Variants in IMPG1 observed in about 807,000 individuals in gnomAD.
IMPG1 encodes the protein interphotoreceptor matrix proteoglycan of 150 kDa.
Under a neutral mutation model 92.0 loss-of-function variants are expected in IMPG1, and 85 were observed. That is an observed-to-expected ratio of 0.92 (90% CI 0.78 to 1.11). The LOEUF is 1.11. Ranked by LOEUF, IMPG1 falls within the 50% of genes least tolerant of loss-of-function variation. The pLI, the probability that IMPG1 is intolerant of heterozygous loss-of-function variation, is 0.00. For synonymous variants in IMPG1, 367 were observed against 334.1 expected (o/e 1.10, Z -1.08); for missense variants, 1,022 against 956.0 (o/e 1.07, Z -0.91).
At chr6:75,952,651 C>T (rs1044162589) in intron 12 of IMPG1, among the ~76,000 whole-genome samples, 1 of 152,076 alleles carries the variant, frequency 6.6e-6, no homozygotes, top group Non-Finnish European at 1.5e-5. Flanking sequence ...TGTGTCCATG[C>T]AAAACTTGTA....
intron 12 of IMPG1, among the ~76,000 whole-genome samples, chr6:75,977,600 A>C (rs965478341): frequency 6.6e-6 from 1 of 151,338 alleles, no homozygotes; most frequent in Non-Finnish European, 1.5e-5. Flanking sequence ...AAAAAAAAAA[A>C]ACAAAAAAAA....
At chr6:75,971,564 C>G (rs1245185007) in intron 12 of IMPG1, among the ~76,000 whole-genome samples, 1 of 152,166 alleles carries the variant, frequency 6.6e-6, no homozygotes, top group Non-Finnish European at 1.5e-5. Flanking sequence ...TTAACCTCCC[C>G]TTAATTTACA....
At chr6:75,993,424 G>A (rs1249145265) in intron 12 of IMPG1, among the ~76,000 whole-genome samples, 2 of 151,938 alleles carry the variant, frequency 1.3e-5, no homozygotes, top group African/African-American at 2.4e-5. Context: ...TTAGTTTGTA[G>A]GCAGCTGTCC....
intron 5 of IMPG1, 53 bp from the exon 6 acceptor site, chr6:76,022,272 A>T: frequency 2.0e-6 from 2 of 1,010,378 alleles, no homozygotes; most frequent in South Asian, 2.6e-5. Flanking sequence ...AGGAGTTTAA[A>T]TTAGAACGAG....
At chr6:75,961,578 A>T (rs566915160) in intron 12 of IMPG1, among the ~76,000 whole-genome samples, 1 of 152,352 alleles carries the variant, frequency 6.6e-6, no homozygotes, top group Admixed American at 6.5e-5. Flanking sequence ...ATGGTACGCC[A>T]GGTGGTGATA....
Position 75,947,426 on chromosome 6 carries a change from T to A in IMPG1, c.1932A>T (p.Ser644=), listed in dbSNP as rs139192386. The part of the protein sequence containing the change: ...IVNSKMKFAK[S]VPYNLTKAVH... ...CAGCCTTGGTGAGGTTATACGGCAC[T>A]GACTTAGCAAACTTCATTTTGCTAT... The change falls in exon 14 of 17, where the codon TCA becomes TCT. Residue 644 remains serine, a synonymous_variant. Transcript: ENST00000369950. 6.2e-7 allele frequency: 1 copy of A among 1,613,796 alleles called. No individual in the cohort carries two copies. The highest frequency in any genetic ancestry group is 1.7e-5 in the Admixed American group (1 of 59,966).
chr6:76,008,951 G>C (rs1783141361), intron 8 of IMPG1, among the ~76,000 whole-genome samples: 1 of 152,106 alleles, frequency 6.6e-6, no homozygotes, highest in Non-Finnish European at 1.5e-5. Flanking sequence ...GCATTTTCTA[G>C]AGTCTATTAT....
At chr6:75,958,901 C>T (rs1182980182) in intron 12 of IMPG1, among the ~76,000 whole-genome samples, 1 of 152,040 alleles carries the variant, frequency 6.6e-6, no homozygotes, top group Non-Finnish European at 1.5e-5. Context: ...CATTCTCCGT[C>T]CAGTTTTGTT....
chr6:76,055,095 T>C (rs1021513317), intron 1 of IMPG1, among the ~76,000 whole-genome samples: 2 of 152,012 alleles, frequency 1.3e-5, no homozygotes, highest in African/African-American at 2.4e-5. Context: ...TGAGGCATCA[T>C]ATCTACAAGC....
intron 11 of IMPG1, among the ~76,000 whole-genome samples, chr6:76,003,440 T>C (rs559324101): frequency 6.6e-6 from 1 of 152,338 alleles, no homozygotes; most frequent in South Asian, 2.1e-4. Flanking sequence ...TTAATTTGTA[T>C]TTATCAAACC....
chr6:76,046,583 G>A (rs1783947961), intron 1 of IMPG1, among the ~76,000 whole-genome samples: 1 of 152,154 alleles, frequency 6.6e-6, no homozygotes, highest in Non-Finnish European at 1.5e-5. Flanking sequence ...TATTCAAAAT[G>A]TTTTCATAGA....
At chr6:75,935,352 A>G (rs1781727570) in intron 14 of IMPG1, among the ~76,000 whole-genome samples, 1 of 152,130 alleles carries the variant, frequency 6.6e-6, no homozygotes, top group Non-Finnish European at 1.5e-5. Flanking sequence ...ATCTTTTCCC[A>G]TTTCAAAAAG....
At chr6:75,943,161 G>A (rs750550799) in intron 14 of IMPG1, among the ~76,000 whole-genome samples, 4 of 152,150 alleles carry the variant, frequency 2.6e-5, no homozygotes, top group African/African-American at 9.7e-5. Context: ...TGACTACCAC[G>A]TGCTTTGGGG....
intron 15 of IMPG1, among the ~76,000 whole-genome samples, chr6:75,927,499 G>A (rs1490173268): frequency 3.3e-5 from 5 of 152,178 alleles, no homozygotes; most frequent in African/African-American, 1.2e-4. Flanking sequence ...AGCAGGTCAC[G>A]GAGATGCACA....
rs1417677858 is a variant in IMPG1, at chr6:75,938,514, C to T, written c.2045-7363G>A. 2.0e-5 allele frequency among the ~76,000 whole-genome samples: 3 copies of T among 152,314 alleles called. No homozygotes were observed. The East Asian group carries it at 5.8e-4, about 29-fold the overall frequency. ...AAATACAATAAAATTGGGGCACAGA[C>T]AGCAAATACTATTCTGGGCCAGATG... is the stretch of plus-strand genomic sequence containing the variant. On this transcript the variant is annotated intron_variant, in intron 14 of 16. Transcript: ENST00000369950.
Position 76,025,208 on chromosome 6 carries a change from A to C in IMPG1, c.548T>G (p.Ile183Ser), listed in dbSNP as rs771798163. The change falls in exon 5 of 17, where the codon ATT becomes AGT. Residue 183 changes from isoleucine (I) to serine (S), a missense_variant. Ile to Ser is a moderately radical substitution (Grantham distance 142). This residue lies in a region of IMPG1 where 681 missense variants were observed against 583.6 expected (regional missense o/e 1.17). Transcript: ENST00000369950. ...EKTLGEPGETIVISTDVANVS... is the reference protein window; with the variant it reads ...EKTLGEPGETSVISTDVANVS... ...TCTAAGCTTACCTGTTGAAATGACA[A>C]TGGTTTCACCAGGCTCTCCCAATGT... 1.9e-6 allele frequency: 3 copies of C among 1,598,714 alleles called. No individual in the cohort carries two copies. The highest frequency in any genetic ancestry group is 2.6e-6 in the Non-Finnish European group (3 of 1,167,102).
rs749382585 is a variant in IMPG1 at position 75,947,414 on chromosome 6, G to T, written c.1944C>A (p.Asn648Lys). 1.2e-6 allele frequency: 2 copies of T among 1,613,850 alleles called. No homozygotes were observed. The highest frequency in any genetic ancestry group is 1.7e-5 in the Admixed American group (1 of 59,992). Residue 648 changes from asparagine to lysine, a missense_variant, in exon 14 of 17, where the codon AAC becomes AAA. Asn to Lys is a moderately conservative substitution (Grantham distance 94, BLOSUM62 0). This residue lies in a region of IMPG1 where 332 missense variants were observed against 346.2 expected (regional missense o/e 0.96). Coordinates refer to ENST00000369950, the MANE Select transcript of IMPG1 (RefSeq NM_001563.4). Reference sequence around the variant, plus strand: ...AGACCCCGTGCACAGCCTTGGTGAGGTTATACGGCACTGACTTAGCAAACT... The same window carrying T: ...AGACCCCGTGCACAGCCTTGGTGAGTTTATACGGCACTGACTTAGCAAACT... ...KMKFAKSVPY[N>K]LTKAVHGVLE...
intron 5 of IMPG1, 81 bp from the exon 6 acceptor site, chr6:76,022,300 T>C: frequency 4.4e-6 from 3 of 681,266 alleles, no homozygotes; most frequent in Non-Finnish European, 7.7e-6. Flanking sequence ...TTCAATATGC[T>C]TTTTCTGTCA....
At chr6:75,945,705 A>G (rs933452018) in intron 14 of IMPG1, among the ~76,000 whole-genome samples, 3 of 152,116 alleles carry the variant, frequency 2.0e-5, no homozygotes, top group African/African-American at 7.2e-5. Context: ...ACCACACAAG[A>G]TTCAACATTT....
Sources: gnomAD v4.1 joint callset for allele counts (sites outside exome capture counted in the v4.1 genomes callset) on GRCh38, gnomAD v4.1.1 for gene constraint, gnomAD v4.1.1 regional missense constraint, MANE v1.5 for transcripts, NCBI Gene and HGNC (gene_info 2026-07-23, HGNC 2026-07-21) for gene names.